Variants in CHAF1A observed in about 807,000 individuals in gnomAD.
CHAF1A encodes the protein chromatin assembly factor 1 subunit A, also known as CAF-1 subunit A.
Under a neutral mutation model 93.2 loss-of-function variants are expected in CHAF1A, and 5 were observed. The ratio of observed to expected loss-of-function variants is 0.05; its 90% CI spans 0.03 to 0.11. CHAF1A has a LOEUF of 0.11. CHAF1A is among the 10% of genes least tolerant of loss of function. The probability of loss-of-function intolerance (pLI) is 1.00; values close to 1 mark genes in which losing one functional copy is unlikely to be tolerated. For synonymous variants in CHAF1A, 504 were observed against 510.3 expected, an observed-to-expected ratio of 0.99 and a Z score of 0.17; for missense variants, 1,102 against 1,259.9, an observed-to-expected ratio of 0.87 and a Z score of 1.90.
intron 1 of CHAF1A, among the ~76,000 whole-genome samples, chr19:4,405,264 C>G (rs931589638): frequency 4.6e-5 from 7 of 152,130 alleles, no homozygotes; most frequent in African/African-American, 1.7e-4. Flanking sequence ...ACGAAAGTTT[C>G]AGATTAAATG....
rs781225000 is a variant in CHAF1A, at chr19:4,409,499, A to G, written c.700A>G (p.Lys234Glu). The G allele has an allele frequency of 1.5e-5, 24 of 1,613,946 alleles. No homozygotes were observed. The highest frequency in any genetic ancestry group is 2.0e-5 in the Non-Finnish European group (24 of 1,180,008). Residue 234 changes from lysine to glutamate, a missense_variant, in exon 3 of 15, where the codon AAA becomes GAA. Coordinates refer to ENST00000301280, the MANE Select transcript of CHAF1A (RefSeq NM_005483.3). ...GAGTGAAGCTGGGGGCATCCTGTTC[A>G]AAGGGAAGGTGCCTATGGTGGTCTT... Reference protein sequence around the residue: ...SWSEAGGILFKGKVPMVVLQD... With the variant: ...SWSEAGGILFEGKVPMVVLQD...
chr19:4,430,527 C>T (rs771102764), intron 10 of CHAF1A, 22 bp from the exon 11 acceptor site: 1 of 1,375,508 alleles, frequency 7.3e-7, no homozygotes, highest in Non-Finnish European at 1.0e-6. Flanking sequence ...CTGATGAACT[C>T]TTTTTTTTTT....
At position 4,407,950 on chromosome 19, in the gene CHAF1A, G is replaced by GA. The variant is rs977522247; in HGVS notation, c.104-944dup. Among the ~76,000 whole-genome samples, 8 of 148,676 alleles carry GA rather than the reference G, an allele frequency of 5.4e-5. No homozygotes were observed. In the South Asian group the frequency reaches 6.4e-4, roughly 12 times the overall value. Reference sequence around the variant, plus strand: ...GTGACGAGCAAGACTGTCTCCAAAAGAAAAAAAAATAAGTAAAATTAGGAT... The same window carrying GA: ...GTGACGAGCAAGACTGTCTCCAAAAGAAAAAAAAAATAAGTAAAATTAGGAT... On this transcript the variant is annotated intron_variant, in intron 2 of 14. Transcript: ENST00000301280.
At chr19:4,430,812 A>G in intron 11 of CHAF1A, 171 bp downstream of exon 11, 2 of 639,850 alleles carry the variant, frequency 3.1e-6, no homozygotes, top group Admixed American at 5.6e-5. Flanking sequence ...TGAACTTGGT[A>G]TTACCTGGGA....
chr19:4,405,521 T>C (rs917420207), intron 1 of CHAF1A, among the ~76,000 whole-genome samples: 2 of 151,168 alleles, frequency 1.3e-5, no homozygotes, highest in African/African-American at 4.9e-5. Context: ...GGCAGGAGAA[T>C]CGCTTGAACC....
intron 3 of CHAF1A, among the ~76,000 whole-genome samples, chr19:4,415,695 C>T (rs1056142304): frequency 2.0e-5 from 3 of 152,056 alleles, no homozygotes; most frequent in Non-Finnish European, 2.9e-5. Context: ...GGCCTGATCT[C>T]GGTGGTGAAA....
intron 7 of CHAF1A, among the ~76,000 whole-genome samples, chr19:4,425,803 G>C (rs1028128545): frequency 6.6e-6 from 1 of 152,216 alleles, no homozygotes; most frequent in Admixed American, 6.6e-5. Flanking sequence ...GCCAGAGTGC[G>C]TGCCAGATGG....
intron 13 of CHAF1A, among the ~76,000 whole-genome samples, chr19:4,438,923 G>T (rs1304138126): frequency 6.6e-6 from 1 of 152,024 alleles, no homozygotes; most frequent in Non-Finnish European, 1.5e-5. Flanking sequence ...CGGAGCTTGC[G>T]GTGAGCCGAG....
chr19:4,450,421 CAT>C, the CHAF1A span: 23 of 152,192 alleles, frequency 1.5e-4, no homozygotes, highest in Middle Eastern at 6.8e-3. Flanking sequence ...TAGAGGGAAA[CAT>C]GTGCAACTCA....
intron 7 of CHAF1A, among the ~76,000 whole-genome samples, chr19:4,424,245 C>T (rs1336085793): frequency 6.6e-6 from 1 of 152,194 alleles, no homozygotes; most frequent in Non-Finnish European, 1.5e-5. Flanking sequence ...CCCTGCCTGG[C>T]GTCGGTCACC....
chr19:4,444,273 G>T (rs968648910), downstream of CHAF1A, among the ~76,000 whole-genome samples: 5 of 152,196 alleles, frequency 3.3e-5, no homozygotes, highest in African/African-American at 1.2e-4. Flanking sequence ...CCTCCCCCAG[G>T]TGCAGACCTG....
intron 8 of CHAF1A, 120 bp downstream of exon 8, chr19:4,429,010 C>CG (rs1599655007): frequency 1.3e-6 from 1 of 771,804 alleles, no homozygotes; most frequent in Admixed American, 2.6e-5. Context: ...CTAGTGCCCT[C>CG]GGGCCCTGGG....
At chr19:4,438,332 C>T (rs1974324482) in intron 13 of CHAF1A, among the ~76,000 whole-genome samples, 10 of 151,546 alleles carry the variant, frequency 6.6e-5, no homozygotes, top group Admixed American at 6.6e-4. Flanking sequence ...CAGCTTCATC[C>T]ATGTTCATGC....
chr19:4,415,654 T>TG (rs1973884705), intron 3 of CHAF1A, among the ~76,000 whole-genome samples: 1 of 151,686 alleles, frequency 6.6e-6, no homozygotes, highest in Non-Finnish European at 1.5e-5. Flanking sequence ...GCATTTCTGT[T>TG]GCCACATTCT....
At chr19:4,414,921 G>A (rs766198061) in intron 3 of CHAF1A, among the ~76,000 whole-genome samples, 34 of 152,242 alleles carry the variant, frequency 2.2e-4, no homozygotes, top group African/African-American at 6.0e-4. Flanking sequence ...AGGTTTTAGC[G>A]GCTTATCTGG....
chr19:4,433,552 G>T lies in CHAF1A; in HGVS notation c.2673+13G>T. The T allele has an allele frequency of 6.5e-7, 1 of 1,545,350 alleles. No homozygotes were observed. Among genetic ancestry groups the T allele is most frequent in the Non-Finnish European group, 8.8e-7 (1 of 1,136,312 alleles). ...GCACGACGGCCAGGTGAGGTGGGGT[G>T]GGCAGGTGGGGGCCTCTGCAGGGCT... On this transcript the variant is annotated intron_variant, in intron 13 of 14. Coordinates refer to ENST00000301280, the MANE Select transcript of CHAF1A (RefSeq NM_005483.3). The surrounding 1 kb of genome is among the most constrained non-coding windows in gnomAD (Gnocchi z 5.6).
chr19:4,435,087 C>CTTTTTTTTTTTTTTTTTT (rs869255408), intron 13 of CHAF1A, among the ~76,000 whole-genome samples: 13 of 87,968 alleles, frequency 1.5e-4, no homozygotes, highest in East Asian at 3.5e-4. Flanking sequence ...CTTTTTTTTC[C>CTTTTTTTTTTTTTTTTTT]TTTTTTTTTT....
intron 13 of CHAF1A, among the ~76,000 whole-genome samples, chr19:4,434,120 G>T (rs1238520976): frequency 6.6e-6 from 1 of 151,996 alleles, no homozygotes; most frequent in Non-Finnish European, 1.5e-5. Context: ...GCTGAGGCGG[G>T]AGGATCACTT....
In CHAF1A at chr19:4,442,965, T is replaced by G; in HGVS notation, c.2811T>G (p.Gly937=). The G allele has an allele frequency of 6.2e-7, 1 of 1,603,772 alleles. No individual in the cohort carries two copies. The highest frequency in any genetic ancestry group is 1.1e-5 in the South Asian group (1 of 88,500). The change falls in exon 15 of 15, where the codon GGT becomes GGG. Residue 937 remains glycine (G), a synonymous_variant. Coordinates refer to ENST00000301280, the MANE Select transcript of CHAF1A (RefSeq NM_005483.3). Reference sequence around the variant, plus strand: ...GTGGAGCCGCTTCCGGAGCTGGGGGTGGTGTGGGGGTGGACACCGGCAAGG... The same window carrying G: ...GTGGAGCCGCTTCCGGAGCTGGGGGGGGTGTGGGGGTGGACACCGGCAAGG... ...APCGAASGAG[G]GVGVDTGKAT...
Sources: allele counts gnomAD v4.1 joint callset (sites outside exome capture counted in the v4.1 genomes callset), GRCh38; gene constraint gnomAD v4.1.1; non-coding constraint Gnocchi (gnomAD v3.1); transcripts MANE v1.5; gene names NCBI Gene and HGNC (gene_info 2026-07-23, HGNC 2026-07-21).